Variants in SHC3 observed in about 807,000 individuals in gnomAD.
SHC3 encodes SHC-transforming protein 3.
A neutral mutation model predicts 60.4 loss-of-function variants in SHC3; 15 were observed. That is an observed-to-expected ratio of 0.25 (90% confidence interval 0.17 to 0.38). The LOEUF (loss-of-function observed/expected upper bound fraction) is 0.38, where lower values mean the gene tolerates loss of function less well. Ranked by LOEUF, SHC3 falls within the 10% of genes least tolerant of loss-of-function variation. The pLI is 1.00. For missense variants in SHC3, 677 were observed against 786.1 expected, an observed-to-expected ratio of 0.86 and a Z score of 1.66; for synonymous variants, 294 against 325.9, an observed-to-expected ratio of 0.90 and a Z score of 1.05.
At chr9:89,039,074 G>A (rs1824631727) in intron 10 of SHC3, among the ~76,000 whole-genome samples, 1 of 152,254 alleles carries the variant, frequency 6.6e-6, no homozygotes, top group Non-Finnish European at 1.5e-5. Flanking sequence ...ATAAGGTAGT[G>A]TGTATGAAAG....
At chr9:89,078,517 G>A (rs950291345) in intron 2 of SHC3, among the ~76,000 whole-genome samples, 2 of 152,172 alleles carry the variant, frequency 1.3e-5, no homozygotes, top group Non-Finnish European at 2.9e-5. Flanking sequence ...TGGTGAGGCT[G>A]CTGGGACGTG....
At chr9:89,094,980 C>T (rs1825680580) in intron 2 of SHC3, among the ~76,000 whole-genome samples, 2 of 152,088 alleles carry the variant, frequency 1.3e-5, no homozygotes, top group South Asian at 4.1e-4. Flanking sequence ...CAGGAAACAA[C>T]AAGTGTTGGC....
chr9:89,071,380 T>C, intron 4 of SHC3, 128 bp from the exon 5 acceptor site: 3 of 855,826 alleles, frequency 3.5e-6, no homozygotes, highest in South Asian at 1.7e-5. Flanking sequence ...TATATAAAAA[T>C]AATGATTATA....
chr9:89,167,081 C>T (rs1177619418), intron 1 of SHC3, among the ~76,000 whole-genome samples: 1 of 152,030 alleles, frequency 6.6e-6, no homozygotes, highest in Non-Finnish European at 1.5e-5. Flanking sequence ...CAGATGTTAA[C>T]CATTGGCCAG....
At chr9:89,023,297 C>A (rs7029876) in intron 11 of SHC3, among the ~76,000 whole-genome samples, 143,556 of 152,314 alleles carry the variant, frequency 0.94, 67,703 homozygotes, top group East Asian at 1. Context: ...GAGAAAGTCT[C>A]AGAGTAGAAG....
intron 1 of SHC3, among the ~76,000 whole-genome samples, chr9:89,142,782 A>G (rs1261629632): frequency 6.6e-6 from 1 of 151,840 alleles, no homozygotes; most frequent in Non-Finnish European, 1.5e-5. Context: ...TTACTCACAT[A>G]TATGCACACC....
chr9:89,095,655 CA>C (rs368297508), intron 2 of SHC3, among the ~76,000 whole-genome samples: 4 of 149,178 alleles, frequency 2.7e-5, no homozygotes, highest in East Asian at 2.0e-4. Context: ...AAGTAAAAGC[CA>C]AAAAAAAACC....
chr9:89,030,070 A>G (rs551724378), intron 11 of SHC3, among the ~76,000 whole-genome samples: 1 of 152,308 alleles, frequency 6.6e-6, no homozygotes, highest in South Asian at 2.1e-4. Flanking sequence ...GCTGGAGTAC[A>G]TATACTAATA....
At chr9:89,155,193 G>A (rs1028584490) in intron 1 of SHC3, among the ~76,000 whole-genome samples, 4 of 152,114 alleles carry the variant, frequency 2.6e-5, no homozygotes, top group East Asian at 1.9e-4. Context: ...CTGGTTCGAC[G>A]GAGCCAGCCT....
intron 1 of SHC3, among the ~76,000 whole-genome samples, chr9:89,174,278 T>G (rs1006117411): frequency 6.6e-6 from 1 of 151,886 alleles, no homozygotes; most frequent in African/African-American, 2.4e-5. Context: ...CAAATGGGAG[T>G]AATAAAATAA....
intron 1 of SHC3, among the ~76,000 whole-genome samples, chr9:89,133,848 C>CAT (rs977839416): frequency 6.6e-6 from 1 of 152,078 alleles, no homozygotes; most frequent in African/African-American, 2.4e-5. Flanking sequence ...CAACATGGCA[C>CAT]ATGTATACAT....
intron 6 of SHC3, among the ~76,000 whole-genome samples, chr9:89,053,609 T>C (rs570130051): frequency 1.1e-4 from 16 of 152,240 alleles, no homozygotes; most frequent in Non-Finnish European, 1.9e-4. Flanking sequence ...AATGTATTTC[T>C]GCTTTGGGGG....
chr9:89,071,781 G>C (rs899066845), intron 4 of SHC3, among the ~76,000 whole-genome samples: 2 of 152,158 alleles, frequency 1.3e-5, no homozygotes, highest in African/African-American at 4.8e-5. Context: ...GAGGACTCTG[G>C]TCATAAAAAG....
In SHC3 at chr9:89,007,401, T is replaced by C. The variant is rs999084344; in HGVS notation, c.*6046A>G. The stretch of plus-strand genomic sequence containing the variant: ...AAGGCTTGTCACACTCCAACACCTT[T>C]GTGTGTGTGTGTCTTTATTTCTTTC... On this transcript the variant is annotated 3_prime_UTR_variant, in exon 12 of 12. Coordinates refer to ENST00000375835, the MANE Select transcript of SHC3 (RefSeq NM_016848.6). The C allele has an allele frequency of 3.3e-5, 5 of 152,186 alleles. No individual in the cohort carries two copies. In the East Asian group the frequency reaches 9.6e-4, roughly 29 times the overall value. The allele number at this position is 152,186 out of a possible 1,614,324, so 9.4% of individuals were successfully genotyped here.
chr9:89,081,931 G>C (rs974162417), intron 2 of SHC3, among the ~76,000 whole-genome samples: 3 of 152,096 alleles, frequency 2.0e-5, no homozygotes, highest in Non-Finnish European at 4.4e-5. Flanking sequence ...TGACTGCAGG[G>C]GGTGGATACA....
Position 89,007,414 on chromosome 9 carries a change from C to T in SHC3, c.*6033G>A, listed in dbSNP as rs1825956031. On this transcript the variant is annotated 3_prime_UTR_variant, in exon 12 of 12. Transcript: ENST00000375835. ...CTCCAACACCTTTGTGTGTGTGTGT[C>T]TTTATTTCTTTCTAGGTTATAAACT... 6.6e-6 allele frequency: 1 copy of T among 152,256 alleles called. No individual in the cohort carries two copies. The highest frequency in any genetic ancestry group is 2.4e-5 in the African/African-American group (1 of 41,458). The allele number at this position is 152,256 out of a possible 1,614,324, so 9.4% of individuals were successfully genotyped here.
chr9:89,138,048 T>C (rs1002737594), intron 1 of SHC3, among the ~76,000 whole-genome samples: 5 of 152,182 alleles, frequency 3.3e-5, no homozygotes, highest in Admixed American at 2.6e-4. Flanking sequence ...TCACCCTTTG[T>C]AGACTCTGAT....
At chr9:89,072,989 G>A (rs1277504127) in intron 4 of SHC3, among the ~76,000 whole-genome samples, 1 of 152,180 alleles carries the variant, frequency 6.6e-6, no homozygotes, top group Non-Finnish European at 1.5e-5. Flanking sequence ...TAGAGAATGA[G>A]GCTGGCTACA....
rs532488573 is a variant in SHC3 at position 89,104,772 on chromosome 9, A to G, written c.545+7784T>C. Among the ~76,000 whole-genome samples the G allele has an allele frequency of 9.2e-5, 14 of 151,810 alleles. No individual in the cohort carries two copies. The South Asian group carries it at 2.7e-3, about 29-fold the overall frequency. ...ATCTATCCTCTCACCCTCCAATCCA[A>G]CCTTTCCCCACCCCATCCCACCCTT... On this transcript the variant is annotated intron_variant, in intron 2 of 11. Transcript: ENST00000375835.
Sources: allele counts gnomAD v4.1 joint callset (sites outside exome capture counted in the v4.1 genomes callset), GRCh38; gene constraint gnomAD v4.1.1; transcripts MANE v1.5; gene names NCBI Gene and HGNC (gene_info 2026-07-23, HGNC 2026-07-21).